Variants in GTF3C5 observed in about 807,000 individuals in gnomAD.
The protein encoded by GTF3C5 is general transcription factor IIIC subunit 5.
Under a neutral mutation model 61.0 loss-of-function variants are expected in GTF3C5, and 47 were observed. That is an observed-to-expected ratio of 0.77 (90% CI 0.61 to 0.98). The LOEUF (loss-of-function observed/expected upper bound fraction) is 0.98, where lower values mean the gene tolerates loss of function less well. GTF3C5 is among the 50% of genes least tolerant of loss of function. The pLI is 0.00. For synonymous variants in GTF3C5, 295 were observed against 275.4 expected, an observed-to-expected ratio of 1.07 and a Z score of -0.71; for missense variants, 659 against 703.3, an observed-to-expected ratio of 0.94 and a Z score of 0.71.
At chr9:133,054,680 A>G in intron 7 of GTF3C5, 32 bp from the exon 8 acceptor site, 3 of 1,536,438 alleles carry the variant, frequency 2.0e-6, no homozygotes, top group Non-Finnish European at 2.6e-6. Context: ...CCCACCCTGC[A>G]CATTCCAAGC....
intron 9 of GTF3C5, among the ~76,000 whole-genome samples, chr9:133,056,301 G>A (rs553191268): frequency 1.1e-4 from 16 of 152,270 alleles, no homozygotes; most frequent in Non-Finnish European, 1.5e-4. Flanking sequence ...TCCAAGCTGC[G>A]CAGAGACAGT....
In GTF3C5 at chr9:133,056,648, G is replaced by A. The variant is rs182118793; in HGVS notation, c.1251-118G>A. The A allele has an allele frequency of 5.0e-4, 471 of 941,596 alleles. 1 individual carries two copies. In the African/African-American group the frequency reaches 7.0e-3, roughly 14 times the overall value. The allele number at this position is 941,596 out of a possible 1,614,324, so 58.3% of individuals were successfully genotyped here. A position where few individuals can be genotyped will look rare whatever the true frequency, so the allele number is the denominator to read the frequency against. ...TTTCCAGTTCCTCTCTGTAGACTTC[G>A]CTCACGGGGCTGCCTTTGATCTCAG... On this transcript the variant is annotated intron_variant, in intron 9 of 10. Transcript: ENST00000372097.
chr9:133,042,473 C>T (rs867325006), intron 2 of GTF3C5, among the ~76,000 whole-genome samples, 167 bp downstream of exon 2: 11 of 152,382 alleles, frequency 7.2e-5, no homozygotes, highest in African/African-American at 2.6e-4. Flanking sequence ...AGCCTTTCTT[C>T]CCTCCAGCCA....
Position 133,052,140 on chromosome 9 carries a change from G to T in GTF3C5, c.849G>T (p.Leu283Phe). Residue 283 changes from leucine to phenylalanine, a missense_variant, in exon 5 of 11, where the codon TTG becomes TTT. By Grantham distance (22) the Leu-to-Phe change is conservative (BLOSUM62 0). Transcript: ENST00000372097. ...TCCACCCAGACAAGCTCAAGGTCTT[G>T]CTTCCCTTCATAGCCTATTACATGG... is the stretch of plus-strand genomic sequence containing the variant. ...ISVHPDKLKV[L>F]LPFIAYYMIT... 1 of 1,601,812 alleles carries T rather than the reference G, an allele frequency of 6.2e-7. No individual in the cohort carries two copies. Among genetic ancestry groups the T allele is most frequent in the South Asian group, 1.1e-5 (1 of 90,042 alleles).
At chr9:133,048,726 G>T (rs762304265) in intron 3 of GTF3C5, among the ~76,000 whole-genome samples, 5 of 152,350 alleles carry the variant, frequency 3.3e-5, no homozygotes, top group African/African-American at 4.8e-5. Flanking sequence ...GATGGCAGCA[G>T]CATCTGAGTT....
intron 2 of GTF3C5, 111 bp downstream of exon 2, chr9:133,042,417 C>A: frequency 1.3e-6 from 1 of 755,076 alleles, no homozygotes; most frequent in Non-Finnish European, 2.3e-6. Flanking sequence ...AGGATATGCC[C>A]AGGGGCTGTG....
In GTF3C5 at chr9:133,044,178, G is replaced by A. The variant is rs961740448; in HGVS notation, c.572+252G>A. 9 of 521,886 alleles carry A rather than the reference G, an allele frequency of 1.7e-5. No homozygotes were observed. In the East Asian group the frequency reaches 3.0e-4, roughly 17 times the overall value. The allele number at this position is 521,886 out of a possible 1,614,324, so 32.3% of individuals were successfully genotyped here. A position where few individuals can be genotyped will look rare whatever the true frequency, so the allele number is the denominator to read the frequency against. On this transcript the variant is annotated intron_variant, in intron 3 of 10. Coordinates refer to ENST00000372097, the MANE Select transcript of GTF3C5 (RefSeq NM_012087.4). ...AAAAAAAAAAAAAAAAAGAAAATGG[G>A]ATGACAGTAGTACTACCCAACAGAC...
intron 5 of GTF3C5, among the ~76,000 whole-genome samples, chr9:133,053,370 C>T (rs1850444583): frequency 6.6e-6 from 1 of 152,148 alleles, no homozygotes. Context: ...GAATCGCTTG[C>T]ATCCAGGAGT....
intron 1 of GTF3C5, among the ~76,000 whole-genome samples, chr9:133,032,184 T>C (rs552730168): frequency 6.6e-6 from 1 of 152,362 alleles, no homozygotes; most frequent in Non-Finnish European, 1.5e-5. Flanking sequence ...CGTCTTGGCC[T>C]CCCAAAGTGC....
chr9:133,046,409 C>G (rs904025283), intron 3 of GTF3C5, among the ~76,000 whole-genome samples: 3 of 152,180 alleles, frequency 2.0e-5, no homozygotes, highest in African/African-American at 7.2e-5. Context: ...GCCTCCCTTG[C>G]TCTGTGAGAA....
In GTF3C5 at chr9:133,043,892, G is replaced by C; in HGVS notation, c.538G>C (p.Val180Leu). Reference protein sequence around the residue: ...PPIFSRLDAPVDYFYRPETQH... With the variant: ...PPIFSRLDAPLDYFYRPETQH... ...CATCTTCTCCCGGCTGGACGCCCCGGTGGACTACTTCTACCGACCAGAGAC... is the reference window on the plus strand; with the variant it reads ...CATCTTCTCCCGGCTGGACGCCCCGCTGGACTACTTCTACCGACCAGAGAC... Residue 180 changes from valine (V) to leucine (L), a missense_variant, in exon 3 of 11, where the codon GTG (valine) becomes CTG (leucine). Physicochemically the swap from Val to Leu is conservative, Grantham distance 32 (BLOSUM62 1). Transcript: ENST00000372097. The C allele has an allele frequency of 6.2e-7, 1 of 1,614,018 alleles. No individual in the cohort carries two copies. The highest frequency in any genetic ancestry group is 8.5e-7 in the Non-Finnish European group (1 of 1,179,954).
At chr9:133,033,892 G>A (rs901404256) in intron 1 of GTF3C5, among the ~76,000 whole-genome samples, 3 of 152,126 alleles carry the variant, frequency 2.0e-5, no homozygotes, top group Admixed American at 6.5e-5. Flanking sequence ...TGGCTGGGTC[G>A]TTGTGGAGAC....
At chr9:133,055,911 C>T in intron 8 of GTF3C5, 101 bp from the exon 9 acceptor site, 3 of 1,529,102 alleles carry the variant, frequency 2.0e-6, no homozygotes, top group Non-Finnish European at 2.6e-6. Context: ...GACCAGCCAG[C>T]TCCCTGGAGA....
chr9:133,031,154 G>A lies in GTF3C5; in HGVS notation c.143G>A (p.Gly48Asp). Residue 48 changes from glycine to aspartate, a missense_variant, in exon 1 of 11, where the codon GGC becomes GAC. Coordinates refer to ENST00000372097, the MANE Select transcript of GTF3C5 (RefSeq NM_012087.4). ...CTGCCGACTCTGGGCGGCGAGGAAG[G>A]CGTCTCCCGGGTAAGGGGCTGGGAA... ...KMLPTLGGEE[G>D]VSRIYADPTK... 4 of 1,577,018 alleles carry A rather than the reference G, an allele frequency of 2.5e-6. No individual in the cohort carries two copies. The highest frequency in any genetic ancestry group is 3.4e-6 in the Non-Finnish European group (4 of 1,160,264).
Position 133,053,872 on chromosome 9 carries a change from C to A in GTF3C5, c.918C>A (p.Asp306Glu). The A allele has an allele frequency of 1.2e-6, 2 of 1,613,404 alleles. No individual in the cohort carries two copies. The highest frequency in any genetic ancestry group is 1.7e-6 in the Non-Finnish European group (2 of 1,179,422). The change falls in exon 6 of 11, where the codon GAC becomes GAA. Residue 306 changes from aspartate to glutamate, a missense_variant. By Grantham distance (45) the Asp-to-Glu change is conservative. Coordinates refer to ENST00000372097, the MANE Select transcript of GTF3C5 (RefSeq NM_012087.4). ...GCCTATGGATTCGATTTGGGTATGA[C>A]CCCCGAAAAAACCCAGATGCCAAGA... ...WRSLWIRFGY[D>E]PRKNPDAKIY...
At chr9:133,053,272 A>G (rs1207592789) in intron 5 of GTF3C5, among the ~76,000 whole-genome samples, 2 of 152,268 alleles carry the variant, frequency 1.3e-5, no homozygotes, top group East Asian at 1.9e-4. Flanking sequence ...CACGGGCGCT[A>G]TCTCATTTAA....
At chr9:133,030,759 G>T, upstream of GTF3C5, 4 of 599,802 alleles carry the variant, frequency 6.7e-6, no homozygotes, top group Middle Eastern at 3.4e-4. Context: ...ACTGGTGCTT[G>T]CCCCGCCCGG....
chr9:133,030,916 G>A, upstream of GTF3C5: 1 of 1,401,274 alleles, frequency 7.1e-7, no homozygotes. Flanking sequence ...GAGCGGTGAG[G>A]GAGCCCGGAA....
chr9:133,055,408 C>T (rs751298257), intron 8 of GTF3C5: 1 of 1,280,202 alleles, frequency 7.8e-7, no homozygotes, highest in Non-Finnish European at 1.0e-6. Context: ...GACTTGCTGT[C>T]CCCCAGTGTC....
Sources: allele counts gnomAD v4.1 joint callset (sites outside exome capture counted in the v4.1 genomes callset), GRCh38; gene constraint gnomAD v4.1.1; transcripts MANE v1.5; gene names NCBI Gene and HGNC (gene_info 2026-07-23, HGNC 2026-07-21).